PRTG: variants seen among roughly 807,000 people sequenced by gnomAD.
The protein encoded by PRTG is protogenin, also known as immunoglobulin superfamily, DCC subclass, member 5.
Under a neutral mutation model 122.5 loss-of-function variants are expected in PRTG, and 67 were observed. That is an observed-to-expected ratio of 0.55 (90% CI 0.45 to 0.67). The LOEUF is 0.67. PRTG is among the 30% of genes least tolerant of loss of function. The pLI, the probability that PRTG is intolerant of heterozygous loss-of-function variation, is 0.00. For synonymous variants in PRTG, 554 were observed against 501.1 expected (o/e 1.11, Z -1.41); for missense variants, 1,435 against 1,415.4 (o/e 1.01, Z -0.22).
intron 2 of PRTG, among the ~76,000 whole-genome samples, chr15:55,697,716 C>T (rs1567104649): frequency 6.6e-6 from 1 of 152,186 alleles, no homozygotes; most frequent in Admixed American, 6.5e-5. Flanking sequence ...TCTCGAACTC[C>T]TGACCTCAGG....
At chr15:55,738,071 A>ATATATATATATATATATATATATAT (rs1555438618) in intron 2 of PRTG, 4 of 105,424 alleles carry the variant, frequency 3.8e-5, no homozygotes, top group Non-Finnish European at 8.2e-5. Context: ...TCTTCCTGTA[A>ATATATATATATATATATATATATAT]ATATATATAT....
In PRTG at chr15:55,675,590, T is replaced by C. The variant is rs2059498229; in HGVS notation, c.1475A>G (p.Tyr492Cys). ...DLEPASNYTFYIVAYMPMGAS... is the reference protein window; with the variant it reads ...DLEPASNYTFCIVAYMPMGAS... ...TCCCATTGGCATATATGCTACAATG[T>C]AGAAAGTATAATTGCTGGCAGGCTC... Residue 492 changes from tyrosine (Y) to cysteine (C), a missense_variant, in exon 9 of 20, where the codon TAC becomes TGC. Transcript: ENST00000389286. 1.9e-6 allele frequency: 3 copies of C among 1,610,720 alleles called. No homozygotes were observed. The highest frequency in any genetic ancestry group is 2.5e-6 in the Non-Finnish European group (3 of 1,177,206).
At chr15:55,709,635 A>G (rs1383901509) in intron 2 of PRTG, among the ~76,000 whole-genome samples, 1 of 152,134 alleles carries the variant, frequency 6.6e-6, no homozygotes, top group Admixed American at 6.5e-5. Context: ...AACAGCCCTA[A>G]TGTAAATTAA....
intron 2 of PRTG, among the ~76,000 whole-genome samples, chr15:55,713,433 G>A (rs996544171): frequency 6.6e-6 from 1 of 152,148 alleles, no homozygotes; most frequent in African/African-American, 2.4e-5. Context: ...ATTCTTATAT[G>A]CATCTGCTTA....
intron 11 of PRTG, among the ~76,000 whole-genome samples, chr15:55,670,139 C>T (rs745523917): frequency 4.6e-5 from 7 of 151,816 alleles, no homozygotes; most frequent in East Asian, 3.9e-4. Context: ...TACATACATG[C>T]GTGTGTGTGT....
At chr15:55,664,957 A>C (rs2059430407) in intron 11 of PRTG, among the ~76,000 whole-genome samples, 1 of 151,972 alleles carries the variant, frequency 6.6e-6, no homozygotes. Context: ...GACGTATCAC[A>C]GAAGTTAAAA....
At chr15:55,643,934 G>A (rs2059306547) in intron 11 of PRTG, among the ~76,000 whole-genome samples, 1 of 151,800 alleles carries the variant, frequency 6.6e-6, no homozygotes. Flanking sequence ...TGCAATCATG[G>A]CTCATTGCAG....
At chr15:55,672,685 A>C in intron 10 of PRTG, 52 bp from the exon 11 acceptor site, 1 of 1,396,796 alleles carries the variant, frequency 7.2e-7, no homozygotes, top group African/African-American at 1.4e-5. Flanking sequence ...TATCCACATA[A>C]AGACACAGAA....
At chr15:55,640,637 T>C (rs1384635306) in intron 12 of PRTG, among the ~76,000 whole-genome samples, 1 of 152,214 alleles carries the variant, frequency 6.6e-6, no homozygotes, top group South Asian at 2.1e-4. Context: ...AAATGTCTAA[T>C]GGTCTTTTGT....
intron 2 of PRTG, among the ~76,000 whole-genome samples, chr15:55,737,203 C>T (rs1421369873): frequency 6.6e-6 from 1 of 152,194 alleles, no homozygotes; most frequent in African/African-American, 2.4e-5. Context: ...CTATTGTACA[C>T]AGCTAGAAAA....
At chr15:55,659,925 T>TC (rs2059400290) in intron 11 of PRTG, among the ~76,000 whole-genome samples, 1 of 22,816 alleles carries the variant, frequency 4.4e-5, no homozygotes, top group Admixed American at 6.5e-4. Flanking sequence ...AAAAAAAGTC[T>TC]CAAAAACAAA....
At chr15:55,623,270 TA>T (rs1595599377) in intron 18 of PRTG, among the ~76,000 whole-genome samples, 2 of 152,048 alleles carry the variant, frequency 1.3e-5, no homozygotes, top group Non-Finnish European at 2.9e-5. Flanking sequence ...AAACAACCTT[TA>T]AAAATGTAAA....
At chr15:55,627,605 G>A (rs1005074484) in intron 16 of PRTG, among the ~76,000 whole-genome samples, 1 of 151,148 alleles carries the variant, frequency 6.6e-6, no homozygotes, top group Non-Finnish European at 1.5e-5. Flanking sequence ...CTCCCAAAGT[G>A]CTGGGATTAC....
chr15:55,739,070 A>G (rs1356996498), intron 2 of PRTG, among the ~76,000 whole-genome samples: 2 of 152,142 alleles, frequency 1.3e-5, no homozygotes, highest in African/African-American at 4.8e-5. Flanking sequence ...TGATGTATCA[A>G]TATAGAAATA....
At chr15:55,663,603 G>C (rs569813768) in intron 11 of PRTG, among the ~76,000 whole-genome samples, 1 of 151,284 alleles carries the variant, frequency 6.6e-6, no homozygotes, top group African/African-American at 2.4e-5. Context: ...GTGCAATGGC[G>C]CTATCTCAGC....
At chr15:55,670,718 T>C (rs1369762777) in intron 11 of PRTG, among the ~76,000 whole-genome samples, 1 of 152,042 alleles carries the variant, frequency 6.6e-6, no homozygotes, top group Admixed American at 6.5e-5. Flanking sequence ...CTGACCAACA[T>C]GGAGAAACCC....
chr15:55,655,499 ATGAG>A (rs1268324910), intron 11 of PRTG: 1 of 152,216 alleles, frequency 6.6e-6, no homozygotes, highest in African/African-American at 2.4e-5. Context: ...CATTTCATGA[ATGAG>A]TTATTCAGTT....
At chr15:55,740,300 G>C in intron 2 of PRTG, 82 bp downstream of exon 2, 1 of 1,297,146 alleles carries the variant, frequency 7.7e-7, no homozygotes, top group Non-Finnish European at 1.1e-6. Context: ...GCATGATTCG[G>C]GGGATTATTA....
chr15:55,662,798 A>G (rs2059417229), intron 11 of PRTG, among the ~76,000 whole-genome samples: 1 of 152,206 alleles, frequency 6.6e-6, no homozygotes, highest in African/African-American at 2.4e-5. Flanking sequence ...TTGTTTCACA[A>G]TTATGCTGAC....
Sources: gnomAD v4.1 joint callset for allele counts (sites outside exome capture counted in the v4.1 genomes callset) on GRCh38, gnomAD v4.1.1 for gene constraint, MANE v1.5 for transcripts, NCBI Gene and HGNC (gene_info 2026-07-23, HGNC 2026-07-21) for gene names.